The following EIF2AK1 variants were observed in gnomAD, a reference collection of about 807,000 sequenced individuals.
The protein encoded by EIF2AK1 is eukaryotic translation initiation factor 2 alpha kinase 1.
In EIF2AK1, 54 loss-of-function variants were observed where a neutral mutation model predicts 77.9. That is an observed-to-expected ratio of 0.69 (90% CI 0.56 to 0.87). The LOEUF (loss-of-function observed/expected upper bound fraction) is 0.87. Among genes scored for constraint, EIF2AK1 ranks in the 40% least tolerant of loss-of-function variants. The probability of loss-of-function intolerance (pLI) is 0.00; values close to 1 mark genes in which losing one functional copy is unlikely to be tolerated. For missense variants in EIF2AK1, 810 were observed against 768.6 expected (o/e 1.05, Z -0.64); for synonymous variants, 314 against 290.5 (o/e 1.08, Z -0.82).
chr7:6,039,852 G>A (rs773243357), intron 9 of EIF2AK1, among the ~76,000 whole-genome samples: 2 of 151,606 alleles, frequency 1.3e-5, no homozygotes, highest in African/African-American at 2.4e-5. Flanking sequence ...CAGGAGAATC[G>A]CTTGAATCCA....
At chr7:6,025,289 A>G (rs558244991) in intron 14 of EIF2AK1, among the ~76,000 whole-genome samples, 1 of 152,338 alleles carries the variant, frequency 6.6e-6, no homozygotes, top group South Asian at 2.1e-4. Context: ...GGTTTCAAGA[A>G]CCACATCTGT....
intron 1 of EIF2AK1, among the ~76,000 whole-genome samples, chr7:6,056,613 A>AATATATATATAT (rs71008353): frequency 0.029 from 1,279 of 43,546 alleles, 64 homozygotes; most frequent in Non-Finnish European, 0.047. Context: ...AAAAAAAAAA[A>AATATATATATAT]ATATATATAT....
intron 11 of EIF2AK1, among the ~76,000 whole-genome samples, chr7:6,029,242 G>A (rs1280060684): frequency 6.6e-6 from 1 of 152,178 alleles, no homozygotes; most frequent in Non-Finnish European, 1.5e-5. Flanking sequence ...GCTCATGCCT[G>A]TAATCCCAGC....
In EIF2AK1 at chr7:6,053,213, A is replaced by G. The variant is rs138768443; in HGVS notation, c.277+1333T>C. Among the ~76,000 whole-genome samples the G allele has an allele frequency of 2.6e-5, 4 of 152,274 alleles. No individual in the cohort carries two copies. In the East Asian group the frequency reaches 7.7e-4, roughly 29 times the overall value. On this transcript the variant is annotated intron_variant, in intron 2 of 14. Coordinates refer to ENST00000199389, the MANE Select transcript of EIF2AK1 (RefSeq NM_014413.4). ...TTTTGTATTTTTAATTTTTGTGAGT[A>G]TATGGTAGATGTATATATTTATGGG...
chr7:6,049,282 C>G (rs1254738682), intron 3 of EIF2AK1, among the ~76,000 whole-genome samples: 1 of 152,200 alleles, frequency 6.6e-6, no homozygotes, highest in African/African-American at 2.4e-5. Flanking sequence ...CGGTGGCTCA[C>G]GCCTGTAATC....
At position 6,023,278 on chromosome 7, in the gene EIF2AK1, T is replaced by C. The variant is rs1787571398; in HGVS notation, c.*1395A>G. ...TCCCTCAGGGCTGCTCTGGTGATGC[T>C]ACCTGGCGTGTTTTTTCTTTTCAGT... On this transcript the variant is annotated 3_prime_UTR_variant, in exon 15 of 15. Transcript: ENST00000199389. The C allele has an allele frequency of 1.9e-6, 3 of 1,564,602 alleles. No homozygotes were observed. Among genetic ancestry groups the C allele is most frequent in the African/African-American group, 2.7e-5 (2 of 73,692 alleles).
intron 2 of EIF2AK1, among the ~76,000 whole-genome samples, chr7:6,054,051 C>A (rs1477747596): frequency 6.6e-6 from 1 of 151,824 alleles, no homozygotes; most frequent in Non-Finnish European, 1.5e-5. Flanking sequence ...ATACTAGATC[C>A]AATTTATTCT....
chr7:6,046,958 G>C lies in EIF2AK1; in HGVS notation c.549+34C>G, dbSNP rs369369712. 8 of 1,491,878 alleles carry C rather than the reference G, an allele frequency of 5.4e-6. No individual in the cohort carries two copies. In the South Asian group the frequency reaches 9.6e-5, roughly 18 times the overall value. 92.4% of individuals were successfully genotyped at this position (1,491,878 alleles called of 1,614,324 possible). The stretch of plus-strand genomic sequence containing the variant: ...AATATCTGAAAACACAATTATTTAG[G>C]GTAGTAGGTCAAAACAAGTACGTGG... On this transcript the variant is annotated intron_variant, in intron 5 of 14. Coordinates refer to ENST00000199389, the MANE Select transcript of EIF2AK1 (RefSeq NM_014413.4).
At position 6,046,078 on chromosome 7, in the gene EIF2AK1, CAA is replaced by C; in HGVS notation, c.621_622del (p.Cys208HisfsTer42). On this transcript the variant is annotated frameshift_variant, in exon 6 of 15. Transcript: ENST00000199389. LOFTEE classifies it high-confidence loss of function. ...AATTTTTAAAAATCATACCTTCATG[CAA>C]ACTGTTTTAGTTGCACCCTTAATCA... The C allele has an allele frequency of 1.3e-6, 2 of 1,544,730 alleles. No individual in the cohort carries two copies. The highest frequency in any genetic ancestry group is 1.8e-6 in the Non-Finnish European group (2 of 1,140,930).
Position 6,046,138 on chromosome 7 carries a change from A to G in EIF2AK1, c.563T>C (p.Leu188Ser). The change falls in exon 6 of 15, where the codon TTA becomes TCA. Residue 188 changes from leucine to serine, a missense_variant. Transcript: ENST00000199389. The part of the protein sequence containing the change: ...YGRVYKVRNK[L>S]DGQYYAIKKI... ...TTTTATTGCATAATACTGACCATCT[A>G]ATTTATTCCTGACCTGAAAAGTAGA... 1 of 1,551,214 alleles carries G rather than the reference A, an allele frequency of 6.4e-7. No homozygotes were observed. Among genetic ancestry groups the G allele is most frequent in the East Asian group, 2.3e-5 (1 of 42,830 alleles).
In EIF2AK1 at chr7:6,033,679, C is replaced by G. The variant is rs964034167; in HGVS notation, c.1332+3745G>C. On this transcript the variant is annotated intron_variant, in intron 11 of 14. Transcript: ENST00000199389. This position sits in a 1 kb window ranked among gnomAD's most constrained non-coding sequence, Gnocchi z 4.4. ...CATTCTCCTGGGTTCACGCCATTCT[C>G]CTGCCTCAGCCTCCCAAGTAGCTGG... Among the ~76,000 whole-genome samples the G allele has an allele frequency of 6.6e-6, 1 of 152,118 alleles. No individual in the cohort carries two copies. Among genetic ancestry groups the G allele is most frequent in the East Asian group, 1.9e-4 (1 of 5,142 alleles).
Position 6,036,158 on chromosome 7 carries a change from G to C in EIF2AK1, c.1332+1266C>G. 3.9e-6 allele frequency: 6 copies of C among 1,549,996 alleles called. No individual in the cohort carries two copies. The highest frequency in any genetic ancestry group is 5.2e-6 in the Non-Finnish European group (6 of 1,146,624). ...TTTATCACACTTATCCTCTGAGAATGACCAATAACCAAGGAATTCTACCTG... is the reference window on the plus strand; with the variant it reads ...TTTATCACACTTATCCTCTGAGAATCACCAATAACCAAGGAATTCTACCTG... On this transcript the variant is annotated intron_variant, in intron 11 of 14. Coordinates refer to ENST00000199389, the MANE Select transcript of EIF2AK1 (RefSeq NM_014413.4). This position sits in a 1 kb window ranked among gnomAD's most constrained non-coding sequence, Gnocchi z 4.6.
At position 6,032,926 on chromosome 7, in the gene EIF2AK1, C is replaced by G; in HGVS notation, c.1333-3894G>C. The G allele has an allele frequency of 6.5e-7, 1 of 1,550,152 alleles. No homozygotes were observed. Among genetic ancestry groups the G allele is most frequent in the Non-Finnish European group, 8.7e-7 (1 of 1,146,622 alleles). ...CTGCCTGTTACGGCACGGTGCTGAC[C>G]CAGAAGTCAGGTAAGTTAACTCCAC... On this transcript the variant is annotated intron_variant, in intron 11 of 14. Coordinates refer to ENST00000199389, the MANE Select transcript of EIF2AK1 (RefSeq NM_014413.4). The surrounding 1 kb of genome is among the most constrained non-coding windows in gnomAD (Gnocchi z 4.3).
chr7:6,053,974 C>CT (rs1788680967), intron 2 of EIF2AK1, among the ~76,000 whole-genome samples: 1 of 151,008 alleles, frequency 6.6e-6, no homozygotes, highest in Non-Finnish European at 1.5e-5. Context: ...ACCTGGCCAT[C>CT]TTTTTTATTA....
chr7:6,058,027 T>G (rs76480166), intron 1 of EIF2AK1: 28,818 of 399,324 alleles, frequency 0.072, 1,929 homozygotes, highest in East Asian at 0.35. Flanking sequence ...GTGGACTCTT[T>G]CACCTAGTTA....
Position 6,023,552 on chromosome 7 carries a change from C to A in EIF2AK1, c.*1121G>T, listed in dbSNP as rs1468784875. 1 of 1,614,142 alleles carries A rather than the reference C, an allele frequency of 6.2e-7. No homozygotes were observed. The highest frequency in any genetic ancestry group is 1.3e-5 in the African/African-American group (1 of 74,948). On this transcript the variant is annotated 3_prime_UTR_variant, in exon 15 of 15. Coordinates refer to ENST00000199389, the MANE Select transcript of EIF2AK1 (RefSeq NM_014413.4). Reference sequence around the variant, plus strand: ...CCTTGGCTCGCTGGGAATGAACTCACCGTAGCAGACGTGGTGCTGTGGTCT... The same window carrying A: ...CCTTGGCTCGCTGGGAATGAACTCAACGTAGCAGACGTGGTGCTGTGGTCT...
chr7:6,035,388 C>G lies in EIF2AK1; in HGVS notation c.1332+2036G>C. 1.4e-6 allele frequency: 2 copies of G among 1,464,660 alleles called. No individual in the cohort carries two copies. The highest frequency in any genetic ancestry group is 1.9e-6 in the Non-Finnish European group (2 of 1,079,990). 90.7% of individuals were successfully genotyped at this position (1,464,660 alleles called of 1,614,324 possible). A position where few individuals can be genotyped will look rare whatever the true frequency, so the allele number is the denominator to read the frequency against. The stretch of plus-strand genomic sequence containing the variant: ...TGGCTTCTTAAGCATTAACTGTCCA[C>G]GTAGAGCCGTTCCCACTGTGAATTC... On this transcript the variant is annotated intron_variant, in intron 11 of 14. Transcript: ENST00000199389. This position sits in a 1 kb window ranked among gnomAD's most constrained non-coding sequence, Gnocchi z 5.5.
At chr7:6,044,730 G>A in intron 6 of EIF2AK1, 69 bp from the exon 7 acceptor site, 1 of 1,347,748 alleles carries the variant, frequency 7.4e-7, no homozygotes, top group South Asian at 1.2e-5. Flanking sequence ...AATACTTCTT[G>A]TTCCAGAGCA....
At position 6,056,325 on chromosome 7, in the gene EIF2AK1, T is replaced by C. The variant is rs986680664; in HGVS notation, c.119-1621A>G. ...AAAAAAAAAAAAAGGCCGGGTACGGTGGCTCACGCCTATAATCCCAGCACT... is the reference window on the plus strand; with the variant it reads ...AAAAAAAAAAAAAGGCCGGGTACGGCGGCTCACGCCTATAATCCCAGCACT... On this transcript the variant is annotated intron_variant, in intron 1 of 14. Transcript: ENST00000199389. 2.3e-5 allele frequency among the ~76,000 whole-genome samples: 3 copies of C among 132,238 alleles called. No individual in the cohort carries two copies. In the Admixed American group the frequency reaches 2.5e-4, roughly 11 times the overall value. The allele number at this position is 132,238 out of a possible 152,430, so 86.8% of individuals were successfully genotyped here.
Sources: allele counts gnomAD v4.1 joint callset (sites outside exome capture counted in the v4.1 genomes callset), GRCh38; gene constraint gnomAD v4.1.1; non-coding constraint Gnocchi (gnomAD v3.1); transcripts MANE v1.5; gene names NCBI Gene and HGNC (gene_info 2026-07-23, HGNC 2026-07-21).